Variants in TYW5 observed in about 807,000 individuals in gnomAD.
TYW5 encodes the protein tRNA-yW synthesizing protein 5.
In TYW5, 36 loss-of-function variants were observed where a neutral mutation model predicts 44.4. The observed-to-expected ratio is 0.81, with a 90% CI of 0.62 to 1.07. The LOEUF is 1.07. Ranked by LOEUF, TYW5 falls within the 50% of genes least tolerant of loss-of-function variation. The probability of loss-of-function intolerance (pLI) is 0.00; values close to 1 mark genes in which losing one functional copy is unlikely to be tolerated. For missense variants in TYW5, 354 were observed against 365.7 expected, an observed-to-expected ratio of 0.97 and a Z score of 0.26; for synonymous variants, 121 against 128.1, an observed-to-expected ratio of 0.94 and a Z score of 0.37.
intron 1 of TYW5, 33 bp from the exon 2 acceptor site, chr2:199,948,505 A>C: frequency 6.2e-7 from 1 of 1,611,776 alleles, no homozygotes; most frequent in Non-Finnish European, 8.5e-7. Flanking sequence ...AACAAAATTC[A>C]TGAAAACCAA....
At position 199,948,396 on chromosome 2, in the gene TYW5, A is replaced by C; in HGVS notation, c.155T>G (p.Val52Gly). The change falls in exon 2 of 8, where the codon GTT (valine) becomes GGT (glycine). Residue 52 changes from valine to glycine, a missense_variant. Transcript: ENST00000354611. The part of the protein sequence containing the change: ...SKWTVDYLSQ[V>G]GGKKEVKIHV... ...AATCTTTACTTCTTTCTTCCCTCCA[A>C]CTTGGCTTAGGTAATCCACTGTCCA... 6.2e-7 allele frequency: 1 copy of C among 1,614,108 alleles called. No individual in the cohort carries two copies. The highest frequency in any genetic ancestry group is 2.2e-5 in the East Asian group (1 of 44,862).
chr2:199,952,942 ATTCAT>A (rs1406909518), intron 1 of TYW5, among the ~76,000 whole-genome samples: 4 of 152,218 alleles, frequency 2.6e-5, no homozygotes, highest in African/African-American at 4.8e-5. Flanking sequence ...ATAATGGTGG[ATTCAT>A]TTCATTATAA....
chr2:199,943,266 G>C (rs192081731), intron 3 of TYW5: 1 of 152,164 alleles, frequency 6.6e-6, no homozygotes, highest in African/African-American at 2.4e-5. Flanking sequence ...GAATTCTTCC[G>C]CATTTAATCC....
chr2:199,953,734 TAGAA>T (rs143965050), intron 1 of TYW5, among the ~76,000 whole-genome samples: 57 of 152,330 alleles, frequency 3.7e-4, no homozygotes, highest in African/African-American at 1.3e-3. Flanking sequence ...TGTTTCCAGA[TAGAA>T]AGGTCTTTTT....
At position 199,948,462 on chromosome 2, in the gene TYW5, A is replaced by T. The variant is rs2077519831; in HGVS notation, c.89T>A (p.Leu30His). Residue 30 changes from leucine to histidine, a missense_variant, in exon 2 of 8, where the codon CTT becomes CAT. Leu to His is a moderately conservative substitution (Grantham distance 99, BLOSUM62 -3). Coordinates refer to ENST00000354611, the MANE Select transcript of TYW5 (RefSeq NM_001039693.3). ...CCCCAAATCAATCCCTTCCAACACAAGAGGTTTTCTCTGTAAGTGGGGAAA... is the reference window on the plus strand; with the variant it reads ...CCCCAAATCAATCCCTTCCAACACATGAGGTTTTCTCTGTAAGTGGGGAAA... ...MQHLYPQRKPLVLEGIDLGPC... is the reference protein window; with the variant it reads ...MQHLYPQRKPHVLEGIDLGPC... 6.2e-7 allele frequency: 1 copy of T among 1,614,010 alleles called. No individual in the cohort carries two copies.
rs755263980 is a variant in TYW5 at position 199,933,145 on chromosome 2, T to C, written c.870A>G (p.Pro290=). Residue 290 remains proline, a synonymous_variant, in exon 8 of 8, where the codon CCA becomes CCG. Transcript: ENST00000354611. ...DRALKTLAEL[P]EEYRDFYARR... ...GTGCATAGAAGTCCCTATATTCCTCTGGTAACTCGGCCAGTGTTTTCAAGG... is the reference window on the plus strand; with the variant it reads ...GTGCATAGAAGTCCCTATATTCCTCCGGTAACTCGGCCAGTGTTTTCAAGG... The C allele has an allele frequency of 6.2e-7, 1 of 1,614,182 alleles. No individual in the cohort carries two copies. The highest frequency in any genetic ancestry group is 8.5e-7 in the Non-Finnish European group (1 of 1,180,014).
chr2:199,955,060 T>G (rs1487219001), intron 1 of TYW5, among the ~76,000 whole-genome samples: 1 of 152,172 alleles, frequency 6.6e-6, no homozygotes, highest in Non-Finnish European at 1.5e-5. Context: ...TTTGGCTCAG[T>G]GGAGTGAAAA....
intron 2 of TYW5, chr2:199,946,874 G>A (rs1406104506): frequency 6.6e-6 from 1 of 152,152 alleles, no homozygotes; most frequent in African/African-American, 2.4e-5. Context: ...CATAATGTAT[G>A]TGCTTCAAAA....
chr2:199,935,828 A>G (rs1053950415), intron 7 of TYW5, 103 bp downstream of exon 7: 8 of 753,214 alleles, frequency 1.1e-5, no homozygotes, highest in Non-Finnish European at 2.3e-6. Context: ...CCGGATACAT[A>G]TAACAAATAT....
At chr2:199,935,719 A>C (rs2077413015) in intron 7 of TYW5, among the ~76,000 whole-genome samples, 1 of 138,104 alleles carries the variant, frequency 7.2e-6, no homozygotes, top group Non-Finnish European at 1.6e-5. Flanking sequence ...GCCTGCTTTA[A>C]ACACACACAC....
rs558811646 is a variant in TYW5 at position 199,949,100 on chromosome 2, G to A, written c.79-628C>T. 3.9e-5 allele frequency among the ~76,000 whole-genome samples: 6 copies of A among 152,180 alleles called. No homozygotes were observed. The South Asian group carries it at 1.2e-3, about 32-fold the overall frequency. On this transcript the variant is annotated intron_variant, in intron 1 of 7. Transcript: ENST00000354611. The stretch of plus-strand genomic sequence containing the variant: ...AGGCTGGGCACAGTGGCTCACGCTT[G>A]TAATCCCAACACTTTGGGAGGCCAA...
Position 199,935,947 on chromosome 2 carries a change from A to G in TYW5, c.675T>C (p.Asp225=), listed in dbSNP as rs2077417063. 4 of 1,610,336 alleles carry G rather than the reference A, an allele frequency of 2.5e-6. No individual in the cohort carries two copies. Among genetic ancestry groups the G allele is most frequent in the Non-Finnish European group, 3.4e-6 (4 of 1,177,030 alleles). ...AAATCTTACCAGGAATGAATAATAC[A>G]TCACCAGCTTCAAGGGAACATTCAT... ...RRYECSLEAG[D]VLFIPALWFH... Residue 225 remains aspartate (D), a synonymous_variant, in exon 7 of 8, where the codon GAT becomes GAC. Coordinates refer to ENST00000354611, the MANE Select transcript of TYW5 (RefSeq NM_001039693.3).
rs2077589841 is a variant in TYW5, at chr2:199,955,406, TG to T, written c.64del (p.His22ThrfsTer28). The T allele has an allele frequency of 2.5e-6, 4 of 1,613,328 alleles. No homozygotes were observed. In the South Asian group the frequency reaches 4.4e-5, roughly 18 times the overall value. ...EGVSREQFMQ[H>X]LYPQRKPLVL... is the part of the protein sequence containing the mutation. ...CGAGGGCCTCACCTGTGGGTAGAGGTGCTGCATGAACTGCTCCCGAGAAACG... is the reference window on the plus strand; with the variant it reads ...CGAGGGCCTCACCTGTGGGTAGAGGTCTGCATGAACTGCTCCCGAGAAACG... On this transcript the variant is annotated frameshift_variant, in exon 1 of 8. Transcript: ENST00000354611. LOFTEE classifies it high-confidence loss of function.
chr2:199,931,276 T>A lies in TYW5; in HGVS notation c.*1791A>T, dbSNP rs1429721022. The A allele has an allele frequency of 6.6e-6, 1 of 152,192 alleles. No homozygotes were observed. The highest frequency in any genetic ancestry group is 1.5e-5 in the Non-Finnish European group (1 of 68,028). The allele number at this position is 152,192 out of a possible 1,614,324, so 9.4% of individuals were successfully genotyped here. The stretch of plus-strand genomic sequence containing the variant: ...AATAAGCTTCATAGATAAATGTTAT[T>A]TTGTCTAAGGTCATCCAGTTTGCTT... On this transcript the variant is annotated 3_prime_UTR_variant, in exon 8 of 8. Transcript: ENST00000354611.
chr2:199,942,078 T>G (rs902648207), intron 3 of TYW5: 1 of 152,220 alleles, frequency 6.6e-6, no homozygotes, highest in Non-Finnish European at 1.5e-5. Context: ...TTTCTTTTTT[T>G]TTTTTTGAGA....
chr2:199,942,734 G>C (rs549771822), intron 3 of TYW5: 17 of 152,166 alleles, frequency 1.1e-4, no homozygotes, highest in African/African-American at 3.6e-4. Context: ...CCTGACAAGA[G>C]GACTGTAAAA....
intron 1 of TYW5, among the ~76,000 whole-genome samples, chr2:199,950,062 G>C (rs989727490): frequency 6.6e-6 from 1 of 152,050 alleles, no homozygotes; most frequent in South Asian, 2.1e-4. Context: ...TCTTAAAGTA[G>C]TTCTGGTTTC....
chr2:199,943,165 A>C (rs2077478456), intron 3 of TYW5: 1 of 152,234 alleles, frequency 6.6e-6, no homozygotes, highest in East Asian at 1.9e-4. Context: ...CAACACAGGA[A>C]ATTTTTAAAA....
chr2:199,929,894 G>T lies in TYW5; in HGVS notation c.*3173C>A. 6.6e-6 allele frequency: 1 copy of T among 150,704 alleles called. No homozygotes were observed. Among genetic ancestry groups the T allele is most frequent in the Non-Finnish European group, 1.5e-5 (1 of 67,860 alleles). The allele number at this position is 150,704 out of a possible 1,614,324, so 9.3% of individuals were successfully genotyped here. A position where few individuals can be genotyped will look rare whatever the true frequency, so the allele number is the denominator to read the frequency against. ...ACTGAACTTGAACTCCTGGCTTCAA[G>T]CACTCCTCCTGCCTCAGCCTCCCAA... On this transcript the variant is annotated 3_prime_UTR_variant, in exon 8 of 8. Transcript: ENST00000354611.
Sources: allele counts gnomAD v4.1 joint callset (sites outside exome capture counted in the v4.1 genomes callset), GRCh38; gene constraint gnomAD v4.1.1; transcripts MANE v1.5; gene names NCBI Gene and HGNC (gene_info 2026-07-23, HGNC 2026-07-21).